FNDC1: variants seen among roughly 807,000 people sequenced by gnomAD.
FNDC1 encodes fibronectin type III domain-containing protein 1.
A neutral mutation model predicts 168.0 loss-of-function variants in FNDC1; 96 were observed. That is an observed-to-expected ratio of 0.57 (90% CI 0.48 to 0.68). The LOEUF is 0.68. FNDC1 is among the 30% of genes least tolerant of loss of function. FNDC1 has a pLI of 0.00. For missense variants in FNDC1, 2,587 were observed against 2,482.1 expected, an observed-to-expected ratio of 1.04 and a Z score of -0.90; for synonymous variants, 1,099 against 1,025.9, an observed-to-expected ratio of 1.07 and a Z score of -1.36.
intron 1 of FNDC1, among the ~76,000 whole-genome samples, chr6:159,178,032 T>C (rs897058517): frequency 2.0e-5 from 3 of 152,188 alleles, no homozygotes; most frequent in Non-Finnish European, 4.4e-5. Context: ...GAGTCACTTA[T>C]GCTAAAACCC....
rs1783011402 is a variant in FNDC1 at position 159,228,740 on chromosome 6, A to G, written c.1181-1075A>G. On this transcript the variant is annotated intron_variant, in intron 9 of 22. Transcript: ENST00000297267. ...TGCCCAGGCTGGAGTGCAGTGTGCA[A>G]TCTCGGCTCACTGCAACCTCTGCCT... 3.3e-5 allele frequency among the ~76,000 whole-genome samples: 5 copies of G among 152,176 alleles called. No homozygotes were observed. In the South Asian group the frequency reaches 8.3e-4, roughly 25 times the overall value.
rs1474088785 is a variant in FNDC1, at chr6:159,229,796, A to G, written c.1181-19A>G. Reference sequence around the variant, plus strand: ...TGTTTTCAGTTTCCTCCTTCCAACCATCTGCCAAATCATTTCAGAATACAT... The same window carrying G: ...TGTTTTCAGTTTCCTCCTTCCAACCGTCTGCCAAATCATTTCAGAATACAT... On this transcript the variant is annotated intron_variant, in intron 9 of 22. Coordinates refer to ENST00000297267, the MANE Select transcript of FNDC1 (RefSeq NM_032532.3). 6.3e-7 allele frequency: 1 copy of G among 1,598,824 alleles called. No homozygotes were observed. Among genetic ancestry groups the G allele is most frequent in the Non-Finnish European group, 8.5e-7 (1 of 1,170,004 alleles).
In FNDC1 at chr6:159,232,973, A is replaced by G; in HGVS notation, c.2461A>G (p.Arg821Gly). 1 of 1,611,898 alleles carries G rather than the reference A, an allele frequency of 6.2e-7. No individual in the cohort carries two copies. The highest frequency in any genetic ancestry group is 8.5e-7 in the Non-Finnish European group (1 of 1,179,590). The change falls in exon 11 of 23, where the codon AGA (arginine) becomes GGA (glycine). Residue 821 changes from arginine to glycine, a missense_variant. Physicochemically the swap from Arg to Gly is moderately radical, Grantham distance 125 (BLOSUM62 -2). Transcript: ENST00000297267. This position sits in a 1 kb window ranked among gnomAD's most constrained non-coding sequence, Gnocchi z 4.9. Reference protein sequence around the residue: ...RPASGHFHLLRHKPFAANGRS... With the variant: ...RPASGHFHLLGHKPFAANGRS... ...TGCCTCTGGACACTTCCATTTGCTC[A>G]GACACAAACCCTTTGCTGCCAACGG...
chr6:159,271,624 G>A lies in FNDC1; in HGVS notation c.*182G>A. 1 of 548,510 alleles carries A rather than the reference G, an allele frequency of 1.8e-6. No homozygotes were observed. The highest frequency in any genetic ancestry group is 3.3e-6 in the Non-Finnish European group (1 of 301,152). The allele number at this position is 548,510 out of a possible 1,614,324, so 34.0% of individuals were successfully genotyped here. On this transcript the variant is annotated 3_prime_UTR_variant, in exon 23 of 23. Coordinates refer to ENST00000297267, the MANE Select transcript of FNDC1 (RefSeq NM_032532.3). ...GGAACTCAGTCCCACTTCTTGGCCT[G>A]GACAATGAACAGGATTCAGTTTTGC...
chr6:159,232,023 A>G lies in FNDC1; in HGVS notation c.1511A>G (p.Asp504Gly). Residue 504 changes from aspartate (D) to glycine (G), a missense_variant, in exon 11 of 23, where the codon GAC becomes GGC. Transcript: ENST00000297267. This position sits in a 1 kb window ranked among gnomAD's most constrained non-coding sequence, Gnocchi z 4.9. ...TCTCCCCAAGGGAGAAATGCCAAGG[A>G]CCTTCTTCTTGACTTGAAGAACAAA... Reference protein sequence around the residue: ...PASPQGRNAKDLLLDLKNKIL... With the variant: ...PASPQGRNAKGLLLDLKNKIL... 6.2e-7 allele frequency: 1 copy of G among 1,613,952 alleles called. No homozygotes were observed. The highest frequency in any genetic ancestry group is 8.5e-7 in the Non-Finnish European group (1 of 1,179,876).
chr6:159,186,951 T>C (rs1247892684), intron 1 of FNDC1, among the ~76,000 whole-genome samples: 1 of 152,204 alleles, frequency 6.6e-6, no homozygotes, highest in Non-Finnish European at 1.5e-5. Context: ...TTTGGCCTTT[T>C]TGTCTGAATA....
chr6:159,263,033 T>C (rs1022902590), intron 19 of FNDC1, among the ~76,000 whole-genome samples: 1 of 152,142 alleles, frequency 6.6e-6, no homozygotes, highest in South Asian at 2.1e-4. Context: ...AATTGGAAAA[T>C]TAATATAGAA....
Position 159,236,168 on chromosome 6 carries a change from T to C in FNDC1, c.3968-47T>C, listed in dbSNP as rs753150689. On this transcript the variant is annotated intron_variant, in intron 11 of 22. Coordinates refer to ENST00000297267, the MANE Select transcript of FNDC1 (RefSeq NM_032532.3). ...TGGTATGAAGCCAACTTCCCGGGCATGTTGAATTTACCAGGCTCTGTTATT... is the reference window on the plus strand; with the variant it reads ...TGGTATGAAGCCAACTTCCCGGGCACGTTGAATTTACCAGGCTCTGTTATT... The C allele has an allele frequency of 4.9e-5, 67 of 1,368,358 alleles. No individual in the cohort carries two copies. In the East Asian group the frequency reaches 1.4e-3, roughly 30 times the overall value. The allele number at this position is 1,368,358 out of a possible 1,614,324, so 84.8% of individuals were successfully genotyped here. A position where few individuals can be genotyped will look rare whatever the true frequency, so the allele number is the denominator to read the frequency against.
intron 1 of FNDC1, among the ~76,000 whole-genome samples, chr6:159,181,815 C>T (rs1781885730): frequency 6.6e-6 from 1 of 152,176 alleles, no homozygotes; most frequent in Non-Finnish European, 1.5e-5. Flanking sequence ...ACTTCCAGGT[C>T]ATGAGATGAA....
rs764220554 is a variant in FNDC1, at chr6:159,232,902, G to C, written c.2390G>C (p.Gly797Ala). The stretch of plus-strand genomic sequence containing the variant: ...CACGGTGACGGCGATAGGGAAGACG[G>C]CGGAAGGCAGGCGGAGGCCACGGCC... ...ESHGDGDRED[G>A]GRQAEATAQT... The change falls in exon 11 of 23, where the codon GGC becomes GCC. Residue 797 changes from glycine to alanine, a missense_variant. By Grantham distance (60) the Gly-to-Ala change is moderately conservative. Coordinates refer to ENST00000297267, the MANE Select transcript of FNDC1 (RefSeq NM_032532.3). The surrounding 1 kb of genome is among the most constrained non-coding windows in gnomAD (Gnocchi z 4.9). The C allele has an allele frequency of 6.2e-7, 1 of 1,612,578 alleles. No individual in the cohort carries two copies. Among genetic ancestry groups the C allele is most frequent in the South Asian group, 1.1e-5 (1 of 90,988 alleles).
intron 22 of FNDC1, 86 bp from the exon 23 acceptor site, chr6:159,271,241 T>C: frequency 1.2e-6 from 1 of 852,752 alleles, no homozygotes; most frequent in Non-Finnish European, 1.9e-6. Context: ...TCAGAGGCCT[T>C]CTGTCTGAAG....
At chr6:159,234,816 G>A (rs1783210579) in intron 11 of FNDC1, among the ~76,000 whole-genome samples, 1 of 152,154 alleles carries the variant, frequency 6.6e-6, no homozygotes, top group East Asian at 1.9e-4. Context: ...GTCCTACATT[G>A]CCTCTTTGAA....
Position 159,233,023 on chromosome 6 carries a change from T to C in FNDC1, c.2511T>C (p.Ile837=), listed in dbSNP as rs555026093. The change falls in exon 11 of 23, where the codon ATT becomes ATC. Residue 837 remains isoleucine (I), a synonymous_variant. Transcript: ENST00000297267. This position sits in a 1 kb window ranked among gnomAD's most constrained non-coding sequence, Gnocchi z 4.6. The part of the protein sequence containing the change: ...ANGRSPSRFS[I]GRGPRLQPSS... ...GGAGGTCTCCAAGCAGGTTCAGCAT[T>C]GGGCGGGGACCTCGGCTGCAGCCCT... 1.4e-5 allele frequency: 23 copies of C among 1,612,756 alleles called. No individual in the cohort carries two copies. In the East Asian group the frequency reaches 4.2e-4, roughly 30 times the overall value.
chr6:159,249,172 AC>A lies in FNDC1; in HGVS notation c.4825del (p.Arg1609AspfsTer7). 1 of 1,609,788 alleles carries A rather than the reference AC, an allele frequency of 6.2e-7. No homozygotes were observed. Among genetic ancestry groups the A allele is most frequent in the Non-Finnish European group, 8.5e-7 (1 of 1,178,462 alleles). ...EEEFDLAGRK[R>X]FVAPYVTYLN... ...AAGAATTTGATCTGGCTGGAAGGAAACGATTTGTTGGTAAATATAATGTCCT... is the reference window on the plus strand; with the variant it reads ...AAGAATTTGATCTGGCTGGAAGGAAAGATTTGTTGGTAAATATAATGTCCT... On this transcript the variant is annotated frameshift_variant, in exon 16 of 23. Transcript: ENST00000297267. LOFTEE classifies it high-confidence loss of function.
Position 159,178,424 on chromosome 6 carries a change from C to T in FNDC1, c.109+8719C>T, listed in dbSNP as rs79700071. ...TTTAGGTTGACAGCAGTAAGGTGGACGTACCATGTACCCTCCACCTAGTTT... is the reference window on the plus strand; with the variant it reads ...TTTAGGTTGACAGCAGTAAGGTGGATGTACCATGTACCCTCCACCTAGTTT... On this transcript the variant is annotated intron_variant, in intron 1 of 22. Coordinates refer to ENST00000297267, the MANE Select transcript of FNDC1 (RefSeq NM_032532.3). Among the ~76,000 whole-genome samples the T allele has an allele frequency of 3.8e-3, 582 of 152,244 alleles. 2 individuals are homozygous for T. The highest frequency in any genetic ancestry group is 0.013 in the African/African-American group (542 of 41,552).
chr6:159,267,971 A>G, intron 22 of FNDC1, 45 bp downstream of exon 22: 1 of 1,579,124 alleles, frequency 6.3e-7, no homozygotes, highest in Non-Finnish European at 8.6e-7. Flanking sequence ...GAGGTGGGAG[A>G]CAAGGATTAA....
intron 17 of FNDC1, 150 bp downstream of exon 17, chr6:159,251,682 T>A: frequency 1.4e-6 from 1 of 701,906 alleles, no homozygotes; most frequent in Non-Finnish European, 2.4e-6. Flanking sequence ...GATGTCTTCC[T>A]TCAACTGGAT....
intron 1 of FNDC1, among the ~76,000 whole-genome samples, chr6:159,184,227 G>T (rs966821013): frequency 3.9e-5 from 6 of 152,220 alleles, no homozygotes; most frequent in Admixed American, 1.3e-4. Flanking sequence ...CCAGTTCCTT[G>T]CTTAGAATCT....
At chr6:159,234,671 T>C (rs1180833094) in intron 11 of FNDC1, among the ~76,000 whole-genome samples, 192 bp downstream of exon 11, 2 of 152,266 alleles carry the variant, frequency 1.3e-5, no homozygotes, top group South Asian at 2.1e-4. Context: ...GTTTTCCAGA[T>C]GCAGAAGCTG....
Sources: gnomAD v4.1 joint callset for allele counts (sites outside exome capture counted in the v4.1 genomes callset) on GRCh38, gnomAD v4.1.1 for gene constraint, Gnocchi (gnomAD v3.1) non-coding constraint, MANE v1.5 for transcripts, NCBI Gene and HGNC (gene_info 2026-07-23, HGNC 2026-07-21) for gene names.